The following TREH variants were observed in gnomAD, a reference collection of about 807,000 sequenced individuals.
TREH encodes trehalase, also known as alpha,alpha-trehalose glucohydrolase.
A neutral mutation model predicts 80.5 loss-of-function variants in TREH; 69 were observed. That is an observed-to-expected ratio of 0.86 (90% CI 0.71 to 1.05). The LOEUF (loss-of-function observed/expected upper bound fraction) is 1.05, where lower values mean the gene tolerates loss of function less well. TREH is among the 50% of genes least tolerant of loss of function. TREH has a pLI of 0.00. For missense variants in TREH, 716 were observed against 718.8 expected, an observed-to-expected ratio of 1.00 and a Z score of 0.04; for synonymous variants, 309 against 293.5, an observed-to-expected ratio of 1.05 and a Z score of -0.54.
chr11:118,664,954 C>A (rs1555145549), intron 1 of TREH, among the ~76,000 whole-genome samples: 1 of 151,958 alleles, frequency 6.6e-6, no homozygotes, highest in African/African-American at 2.4e-5. Context: ...ACTAAAAATA[C>A]AAAAATTAGA....
chr11:118,677,999 C>T (rs1287143567), intron 1 of TREH, among the ~76,000 whole-genome samples: 1 of 152,198 alleles, frequency 6.6e-6, no homozygotes, highest in Non-Finnish European at 1.5e-5. Flanking sequence ...CTCCCTGTAA[C>T]ACACACCCTC....
chr11:118,661,524 G>A lies in TREH; in HGVS notation c.618-15C>T. 6.2e-7 allele frequency: 1 copy of A among 1,612,932 alleles called. No individual in the cohort carries two copies. Among genetic ancestry groups the A allele is most frequent in the Non-Finnish European group, 8.5e-7 (1 of 1,179,312 alleles). On this transcript the variant is annotated splice_polypyrimidine_tract_variant and intron_variant, in intron 6 of 14. Transcript: ENST00000264029. This position sits in a 1 kb window ranked among gnomAD's most constrained non-coding sequence, Gnocchi z 4.2. ...CATGCCCATAGCTGCCAAGGGGAAG[G>A]CCTGCTGAGATGCCCTCTCCCCAGC...
chr11:118,678,609 C>T (rs1555147124), intron 1 of TREH, among the ~76,000 whole-genome samples: 1 of 150,788 alleles, frequency 6.6e-6, no homozygotes, highest in Admixed American at 6.6e-5. Flanking sequence ...ATGATAGCTC[C>T]CACCTTGGCC....
At chr11:118,676,055 G>A (rs142122890) in intron 1 of TREH, among the ~76,000 whole-genome samples, 5 of 152,280 alleles carry the variant, frequency 3.3e-5, no homozygotes, top group South Asian at 2.1e-4. Context: ...CATGACATAC[G>A]CATGATTGAT....
Position 118,679,502 on chromosome 11 carries a change from T to C in TREH, c.89+37A>G, listed in dbSNP as rs1320606523. On this transcript the variant is annotated intron_variant, in intron 1 of 14. Coordinates refer to ENST00000264029, the MANE Select transcript of TREH (RefSeq NM_007180.3). ...AGATCTCATCCCAGCCTCCCTCTTA[T>C]TGCCATCCTCCCCTGCTGCCTTCCC... 6.2e-6 allele frequency: 9 copies of C among 1,461,026 alleles called. No homozygotes were observed. The African/African-American group carries it at 1.0e-4, about 16-fold the overall frequency. The allele number at this position is 1,461,026 out of a possible 1,614,324, so 90.5% of individuals were successfully genotyped here.
chr11:118,668,442 G>A (rs72999491), intron 1 of TREH, among the ~76,000 whole-genome samples: 14,332 of 145,240 alleles, frequency 0.099, 871 homozygotes, highest in Non-Finnish European at 0.14. Context: ...GTGGTGGCAT[G>A]CACCATGTTG....
In TREH at chr11:118,661,892, G is replaced by A. The variant is rs1555145079; in HGVS notation, c.522C>T (p.Tyr174=). ...GTCTCTTGGGCCTGGGCGCTCACCA[G>A]TAGTAGAACTCAACAAAGCGACCGC... is the stretch of plus-strand genomic sequence containing the variant. ...VPGGRFVEFY[Y]WDSYWVMEGL... The change falls in exon 5 of 15, where the codon TAC becomes TAT. Residue 174 remains tyrosine (Y), a splice_region_variant and synonymous_variant. Coordinates refer to ENST00000264029, the MANE Select transcript of TREH (RefSeq NM_007180.3). The surrounding 1 kb of genome is among the most constrained non-coding windows in gnomAD (Gnocchi z 4.2). 1 of 1,558,510 alleles carries A rather than the reference G, an allele frequency of 6.4e-7. No homozygotes were observed. Among genetic ancestry groups the A allele is most frequent in the South Asian group, 1.2e-5 (1 of 85,004 alleles).
At chr11:118,659,260 G>A (rs1424131815) in intron 12 of TREH, 110 bp downstream of exon 12, 3 of 976,496 alleles carry the variant, frequency 3.1e-6, no homozygotes, top group Non-Finnish European at 4.5e-6. Flanking sequence ...AGGAGCGAGA[G>A]AAAGGATACG....
Position 118,659,864 on chromosome 11 carries a change from A to G in TREH, c.1203T>C (p.Asp401=), listed in dbSNP as rs1555144492. ...TTTTCTTCTTCTTCTCAAGGTCGTA[A>G]TCGAACCAGGCTCCGGTCTGCTCAT... is the stretch of plus-strand genomic sequence containing the variant. The part of the protein sequence containing the change: ...LWDEQTGAWF[D]YDLEKKKKNR... The change falls in exon 11 of 15, where the codon GAT becomes GAC. Residue 401 remains aspartate (D), a synonymous_variant. Coordinates refer to ENST00000264029, the MANE Select transcript of TREH (RefSeq NM_007180.3). The G allele has an allele frequency of 1.9e-6, 3 of 1,553,284 alleles. No homozygotes were observed. Among genetic ancestry groups the G allele is most frequent in the Admixed American group, 2.0e-5 (1 of 51,124 alleles).
intron 1 of TREH, among the ~76,000 whole-genome samples, chr11:118,676,777 A>AG (rs1949484176): frequency 2.6e-5 from 4 of 151,460 alleles, no homozygotes; most frequent in Admixed American, 2.6e-4. Flanking sequence ...CTCAAAAAAA[A>AG]AAAGAAAGAA....
At chr11:118,672,818 G>C (rs1949443002) in intron 1 of TREH, among the ~76,000 whole-genome samples, 1 of 152,032 alleles carries the variant, frequency 6.6e-6, no homozygotes, top group Non-Finnish European at 1.5e-5. Flanking sequence ...TAGAACTGTG[G>C]TGTGTAAACT....
At chr11:118,668,034 T>C (rs1949394417) in intron 1 of TREH, among the ~76,000 whole-genome samples, 1 of 152,070 alleles carries the variant, frequency 6.6e-6, no homozygotes, top group African/African-American at 2.4e-5. Flanking sequence ...CCAGCTAATT[T>C]TTGTATTTTA....
intron 11 of TREH, 130 bp from the exon 12 acceptor site, chr11:118,659,611 C>G: frequency 5.9e-6 from 8 of 1,353,730 alleles, no homozygotes; most frequent in South Asian, 1.4e-5. Flanking sequence ...AGCTGCCCCC[C>G]GGTGGCTCTG....
intron 1 of TREH, among the ~76,000 whole-genome samples, chr11:118,678,521 G>T (rs1949502631): frequency 6.6e-6 from 1 of 151,216 alleles, no homozygotes; most frequent in Non-Finnish European, 1.5e-5. Context: ...GCGCCACCAT[G>T]CCCGGCTAAT....
chr11:118,668,292 CA>C (rs55905540), intron 1 of TREH, among the ~76,000 whole-genome samples: 145,026 of 148,458 alleles, frequency 0.98, 70,839 homozygotes, highest in East Asian at 0.98. Context: ...GAAGACACAT[CA>C]AAAAAAAAAA....
intron 1 of TREH, 38 bp downstream of exon 1, chr11:118,679,501 A>C: frequency 6.9e-7 from 1 of 1,453,670 alleles, no homozygotes; most frequent in Non-Finnish European, 9.1e-7. Context: ...CCTCCCTCTT[A>C]TTGCCATCCT....
chr11:118,658,716 A>C lies in TREH; in HGVS notation c.1563T>G (p.Gly521=). Residue 521 remains glycine (G), a synonymous_variant, in exon 14 of 15, where the codon GGT becomes GGG. Coordinates refer to ENST00000264029, the MANE Select transcript of TREH (RefSeq NM_007180.3). ...ATTCTCCTCCCCCACCGGGCTGTCCACCGTTGCTGACGTCATACTGGGGAC... is the reference window on the plus strand; with the variant it reads ...ATTCTCCTCCCCCACCGGGCTGTCCCCCGTTGCTGACGTCATACTGGGGAC... The part of the protein sequence containing the change: ...AMYEKYDVSN[G]GQPGGGGEYE... 1 of 1,604,732 alleles carries C rather than the reference A, an allele frequency of 6.2e-7. No individual in the cohort carries two copies. The highest frequency in any genetic ancestry group is 2.3e-5 in the East Asian group (1 of 44,396).
rs984762170 is a variant in TREH at position 118,672,133 on chromosome 11, C to T, written c.89+7406G>A. Among the ~76,000 whole-genome samples the T allele has an allele frequency of 4.6e-5, 7 of 152,324 alleles. No individual in the cohort carries two copies. In the South Asian group the frequency reaches 1.4e-3, roughly 32 times the overall value. ...AAACCACCTGGGCCGGGCATGGTGG[C>T]TCACGCCTGTAATCCCAGCACTTTG... On this transcript the variant is annotated intron_variant, in intron 1 of 14. Transcript: ENST00000264029.
rs115195133 is a variant in TREH, at chr11:118,676,405, T to C, written c.89+3134A>G. ...GGAGGATCACCTAAGCCCAGAGAGA[T>C]TGAGGCTGCAGTGAGCCATGACTGC... On this transcript the variant is annotated intron_variant, in intron 1 of 14. Transcript: ENST00000264029. 4.7e-3 allele frequency among the ~76,000 whole-genome samples: 718 copies of C among 152,084 alleles called. 6 individuals carry two copies. Among genetic ancestry groups the C allele is most frequent in the African/African-American group, 0.016 (683 of 41,454 alleles).
Sources: gnomAD v4.1 joint callset for allele counts (sites outside exome capture counted in the v4.1 genomes callset) on GRCh38, gnomAD v4.1.1 for gene constraint, Gnocchi (gnomAD v3.1) non-coding constraint, MANE v1.5 for transcripts, NCBI Gene and HGNC (gene_info 2026-07-23, HGNC 2026-07-21) for gene names.